NR5A2: variants seen among roughly 807,000 people sequenced by gnomAD.
The protein encoded by NR5A2 is nuclear receptor subfamily 5 group A member 2, also known as CYP7A promoter-binding factor.
In NR5A2, 26 loss-of-function variants were observed where a neutral mutation model predicts 62.7. The ratio of observed to expected loss-of-function variants is 0.41; its 90% CI spans 0.30 to 0.58. The LOEUF is 0.58. Ranked by LOEUF, NR5A2 falls within the 20% of genes least tolerant of loss-of-function variation. The probability of loss-of-function intolerance (pLI) is 0.22; values close to 1 mark genes in which losing one functional copy is unlikely to be tolerated. For synonymous variants in NR5A2, 246 were observed against 241.7 expected, an observed-to-expected ratio of 1.02 and a Z score of -0.16; for missense variants, 541 against 669.1, an observed-to-expected ratio of 0.81 and a Z score of 2.11.
chr1:200,078,742 CTTACT>C (rs1318098974), intron 5 of NR5A2, among the ~76,000 whole-genome samples: 1 of 152,068 alleles, frequency 6.6e-6, no homozygotes, highest in East Asian at 1.9e-4. Flanking sequence ...TATTTACTAC[CTTACT>C]TTAATGTTAT....
intron 1 of NR5A2, among the ~76,000 whole-genome samples, chr1:200,034,783 C>CTTTTTTTTTTTTT (rs767393832): frequency 1.7e-4 from 12 of 71,284 alleles, no homozygotes; most frequent in African/African-American, 6.3e-4. Flanking sequence ...AGCAGAAAGG[C>CTTTTTTTTTTTTT]TTTTTTTTTT....
intron 5 of NR5A2, among the ~76,000 whole-genome samples, chr1:200,076,750 T>A (rs995329514): frequency 2.5e-4 from 38 of 152,196 alleles, no homozygotes; most frequent in African/African-American, 8.4e-4. Flanking sequence ...TTTTTGTTAA[T>A]AATTTGGAGG....
chr1:200,030,621 A>G (rs1006340751), intron 1 of NR5A2, among the ~76,000 whole-genome samples: 7 of 152,216 alleles, frequency 4.6e-5, no homozygotes, highest in Non-Finnish European at 1.0e-4. Flanking sequence ...ATACTTACCT[A>G]TATCAAGAAA....
chr1:200,089,432 C>T (rs572576774), intron 5 of NR5A2, among the ~76,000 whole-genome samples: 9 of 152,126 alleles, frequency 5.9e-5, no homozygotes, highest in African/African-American at 2.2e-4. Context: ...GCTGGGATTA[C>T]AAGCATGAGC....
intron 5 of NR5A2, among the ~76,000 whole-genome samples, chr1:200,102,763 T>C (rs1255913844): frequency 3.3e-5 from 5 of 152,196 alleles, no homozygotes; most frequent in African/African-American, 1.2e-4. Context: ...CCGCTTACTC[T>C]AAGAATTTTG....
At chr1:200,165,301 C>A (rs1653847939) in intron 7 of NR5A2, among the ~76,000 whole-genome samples, 2 of 152,116 alleles carry the variant, frequency 1.3e-5, no homozygotes. Flanking sequence ...CAGCATTCCA[C>A]ACTGGAGTGA....
chr1:200,108,823 G>C (rs937764894), intron 5 of NR5A2, among the ~76,000 whole-genome samples: 1 of 152,174 alleles, frequency 6.6e-6, no homozygotes, highest in Non-Finnish European at 1.5e-5. Context: ...TAGCACCTGA[G>C]AGGATCAGTT....
intron 5 of NR5A2, among the ~76,000 whole-genome samples, chr1:200,086,075 G>A (rs1029939231): frequency 2.0e-5 from 3 of 152,080 alleles, no homozygotes; most frequent in African/African-American, 7.2e-5. Flanking sequence ...CTCGTGAGTC[G>A]TTTGGAGATT....
Position 200,120,822 on chromosome 1 carries a change from A to T in NR5A2, c.1245A>T (p.Ile415=), listed in dbSNP as rs1344805465. 6.4e-7 allele frequency: 1 copy of T among 1,565,166 alleles called. No homozygotes were observed. The highest frequency in any genetic ancestry group is 2.3e-5 in the East Asian group (1 of 43,626). The part of the protein sequence containing the change: ...LVTGQQVDYS[I]IASQAGATLN... ...CTGTATTGCAGGTGGACTATTCCAT[A>T]ATAGCATCACAAGCCGGAGCCACCC... Residue 415 remains isoleucine (I), a synonymous_variant, in exon 7 of 8, where the codon ATA becomes ATT. Transcript: ENST00000367362.
chr1:200,101,489 A>G (rs578002516), intron 5 of NR5A2, among the ~76,000 whole-genome samples: 78 of 152,308 alleles, frequency 5.1e-4, no homozygotes, highest in African/African-American at 1.9e-3. Context: ...GAGTCACCCT[A>G]CTGCACTAGC....
At chr1:200,052,783 A>G (rs1662703073) in intron 5 of NR5A2, among the ~76,000 whole-genome samples, 1 of 151,668 alleles carries the variant, frequency 6.6e-6, no homozygotes, top group Non-Finnish European at 1.5e-5. Flanking sequence ...CTGGGACTAC[A>G]GGTGCCTGCC....
chr1:200,097,804 A>G (rs1665170350), intron 5 of NR5A2, among the ~76,000 whole-genome samples: 2 of 152,192 alleles, frequency 1.3e-5, no homozygotes, highest in African/African-American at 4.8e-5. Flanking sequence ...GCAGTATAGT[A>G]TCATAGCCTG....
chr1:200,118,037 G>GAGAC (rs1666319192), intron 6 of NR5A2, among the ~76,000 whole-genome samples: 1 of 35,050 alleles, frequency 2.9e-5, no homozygotes, highest in East Asian at 8.4e-4. Flanking sequence ...TTTTTTTTTT[G>GAGAC]AGACAGTCTC....
At chr1:200,079,305 G>C (rs951118854) in intron 5 of NR5A2, among the ~76,000 whole-genome samples, 3 of 152,202 alleles carry the variant, frequency 2.0e-5, no homozygotes, top group African/African-American at 4.8e-5. Context: ...CAAACTGCCT[G>C]CATAAGTCAC....
intron 3 of NR5A2, chr1:200,044,434 T>C (rs1240174468): frequency 6.6e-6 from 1 of 152,042 alleles, no homozygotes; most frequent in Non-Finnish European, 1.5e-5. Context: ...GTTTTTAATA[T>C]AATAATTTTT....
intron 7 of NR5A2, among the ~76,000 whole-genome samples, chr1:200,142,089 GTGC>G (rs1249693095): frequency 1.3e-5 from 2 of 150,050 alleles, no homozygotes; most frequent in East Asian, 2.0e-4. Context: ...TTATCTCACT[GTGC>G]TGCTTTTTGC....
intron 7 of NR5A2, among the ~76,000 whole-genome samples, chr1:200,160,571 T>C (rs947048496): frequency 6.6e-6 from 1 of 152,172 alleles, no homozygotes; most frequent in African/African-American, 2.4e-5. Flanking sequence ...ATCAAATAAT[T>C]AAATGCAAAT....
intron 5 of NR5A2, among the ~76,000 whole-genome samples, chr1:200,089,941 A>G (rs1471651118): frequency 3.9e-5 from 6 of 152,224 alleles, no homozygotes; most frequent in Non-Finnish European, 7.3e-5. Flanking sequence ...TCACCTGCCA[A>G]ACTCAAAGCC....
chr1:200,173,876 C>T, intron 7 of NR5A2, 87 bp from the exon 8 acceptor site: 1 of 1,282,226 alleles, frequency 7.8e-7, no homozygotes, highest in Non-Finnish European at 1.0e-6. Flanking sequence ...AAGGAAAATA[C>T]ATCCATTAAT....
Sources: gnomAD v4.1 joint callset for allele counts (sites outside exome capture counted in the v4.1 genomes callset) on GRCh38, gnomAD v4.1.1 for gene constraint, MANE v1.5 for transcripts, NCBI Gene and HGNC (gene_info 2026-07-23, HGNC 2026-07-21) for gene names.